The following PMPCA variants were observed in gnomAD, a reference collection of about 807,000 sequenced individuals.
The protein encoded by PMPCA is mitochondrial-processing peptidase subunit alpha.
In PMPCA, 47 loss-of-function variants were observed where a neutral mutation model predicts 59.3. That is an observed-to-expected ratio of 0.79 (90% CI 0.63 to 1.01). The LOEUF (loss-of-function observed/expected upper bound fraction) is 1.01. PMPCA is among the 50% of genes least tolerant of loss of function. The pLI is 0.00. For missense variants in PMPCA, 726 were observed against 704.5 expected, an observed-to-expected ratio of 1.03 and a Z score of -0.34; for synonymous variants, 338 against 290.3, an observed-to-expected ratio of 1.16 and a Z score of -1.67.
chr9:136,411,945 A>T (rs1835133312), intron 1 of PMPCA, 52 bp from the exon 2 acceptor site: 4 of 1,065,566 alleles, frequency 3.8e-6, no homozygotes, highest in South Asian at 1.3e-5. Context: ...ACAGGTCATC[A>T]CAGGTTTGTT....
intron 12 of PMPCA, chr9:136,422,888 C>T: frequency 2.2e-6 from 3 of 1,385,728 alleles, no homozygotes; most frequent in East Asian, 5.1e-5. Flanking sequence ...ATTGCCATGT[C>T]CCCATTTACT....
At chr9:136,418,735 C>A in intron 9 of PMPCA, 62 bp downstream of exon 9, 2 of 1,493,948 alleles carry the variant, frequency 1.3e-6, no homozygotes, top group Non-Finnish European at 1.9e-6. Flanking sequence ...GTTTTTGGAC[C>A]ATGAGGCCAC....
At position 136,421,847 on chromosome 9, in the gene PMPCA, G is replaced by A; in HGVS notation, c.1279G>A (p.Ala427Thr). Residue 427 changes from alanine to threonine, a missense_variant, in exon 12 of 13, where the codon GCC (alanine) becomes ACC (threonine). By Grantham distance (58) the Ala-to-Thr change is moderately conservative (BLOSUM62 0). Transcript: ENST00000371717. ...CTGGCCCCAGGTGGAGCTGGAACGA[G>A]CCAAGACGCAGCTGACATCAATGCT... ...GTVDTVELER[A>T]KTQLTSMLMM... The A allele has an allele frequency of 6.3e-7, 1 of 1,595,576 alleles. No homozygotes were observed. The highest frequency in any genetic ancestry group is 1.3e-5 in the African/African-American group (1 of 74,744).
At chr9:136,422,399 A>G (rs570537209) in intron 12 of PMPCA, 8 of 1,131,814 alleles carry the variant, frequency 7.1e-6, no homozygotes, top group South Asian at 4.1e-5. Context: ...CGGGGCCCCC[A>G]TGAGTGACCT....
chr9:136,417,471 A>ATTT (rs537510833), intron 7 of PMPCA, among the ~76,000 whole-genome samples: 1 of 132,618 alleles, frequency 7.5e-6, no homozygotes, highest in African/African-American at 2.8e-5. Context: ...TGCGTGTTGC[A>ATTT]TTTTTTTTTT....
chr9:136,418,705 CACCAG>C (rs1184906907), intron 9 of PMPCA, 32 bp downstream of exon 9: 8 of 1,540,434 alleles, frequency 5.2e-6, no homozygotes, highest in Admixed American at 1.7e-5. Context: ...ATCCTCAGGC[CACCAG>C]GCCAGGCCAG....
chr9:136,423,495 G>C lies in PMPCA; in HGVS notation c.*231G>C. The C allele has an allele frequency of 1.9e-6, 1 of 529,798 alleles. No homozygotes were observed. The highest frequency in any genetic ancestry group is 3.2e-5 in the East Asian group (1 of 31,732). The allele number at this position is 529,798 out of a possible 1,614,324, so 32.8% of individuals were successfully genotyped here. A position where few individuals can be genotyped will look rare whatever the true frequency, so the allele number is the denominator to read the frequency against. On this transcript the variant is annotated 3_prime_UTR_variant, in exon 13 of 13. Transcript: ENST00000371717. ...CCAGGAAGCAGGTGAAGTGCCCAGC[G>C]CTGGAGTGCAGCGTGCCACGAGGAG...
rs1205502141 is a variant in PMPCA at position 136,423,113 on chromosome 9, A to G, written c.1427A>G (p.Asp476Gly). ...GCACTAGGCAACGTGAAGCCGGAAG[A>G]TGTGAAGAGAGTCGCTTCTAAGATG... ...CTLIRNVKPE[D>G]VKRVASKMLR... Residue 476 changes from aspartate to glycine, a missense_variant, in exon 13 of 13, where the codon GAT becomes GGT. By Grantham distance (94) the Asp-to-Gly change is moderately conservative. Coordinates refer to ENST00000371717, the MANE Select transcript of PMPCA (RefSeq NM_015160.3). 1 of 1,613,132 alleles carries G rather than the reference A, an allele frequency of 6.2e-7. No homozygotes were observed. The highest frequency in any genetic ancestry group is 8.5e-7 in the Non-Finnish European group (1 of 1,179,802).
chr9:136,412,591 T>G (rs1440110297), intron 3 of PMPCA, 22 bp downstream of exon 3: 1 of 1,261,618 alleles, frequency 7.9e-7, no homozygotes, highest in Non-Finnish European at 1.2e-6. Context: ...GTTTTGTAAT[T>G]TTTTAGACTA....
chr9:136,421,194 C>T (rs980507711), intron 11 of PMPCA, among the ~76,000 whole-genome samples: 6 of 152,346 alleles, frequency 3.9e-5, no homozygotes, highest in African/African-American at 9.6e-5. Flanking sequence ...CCGATTTTGC[C>T]GTGTGGCCAC....
Position 136,423,379 on chromosome 9 carries a change from A to G in PMPCA, c.*115A>G. 3.7e-6 allele frequency: 4 copies of G among 1,086,368 alleles called. No individual in the cohort carries two copies. Among genetic ancestry groups the G allele is most frequent in the Non-Finnish European group, 5.2e-6 (4 of 770,084 alleles). 67.3% of individuals were successfully genotyped at this position (1,086,368 alleles called of 1,614,324 possible). ...CTGTCTGGTTGTATAAACGGTGCAA[A>G]CAATGTCGCCACAGCACCCACGCGG... On this transcript the variant is annotated 3_prime_UTR_variant, in exon 13 of 13. Transcript: ENST00000371717.
At chr9:136,415,927 C>A in intron 5 of PMPCA, 1 of 254,638 alleles carries the variant, frequency 3.9e-6, no homozygotes, top group Non-Finnish European at 7.6e-6. Context: ...GCCACCGCAC[C>A]CAGCGTGTGC....
chr9:136,418,484 G>A (rs749929274), intron 8 of PMPCA, 71 bp from the exon 9 acceptor site: 9 of 977,326 alleles, frequency 9.2e-6, no homozygotes, highest in East Asian at 2.4e-5. Flanking sequence ...TCTGCCCTCC[G>A]TCCCTGGCGT....
intron 6 of PMPCA, chr9:136,416,606 C>A: frequency 1.6e-6 from 1 of 627,514 alleles, no homozygotes. Flanking sequence ...CTCTGCCTCC[C>A]AAGTAGCTGG....
In PMPCA at chr9:136,422,149, C is replaced by T. The variant is rs10870165; in HGVS notation, c.1408+173C>T. 0.44 allele frequency: 682,495 copies of T among 1,537,936 alleles called. 154,879 individuals carry two copies. The highest frequency in any genetic ancestry group is 0.53 in the Admixed American group (26,661 of 50,420). ...GCGGCCAAGGGCAGGGTCGTGGGGT[C>T]GCAGACCTGGTCTCACTTCCCGGCC... On this transcript the variant is annotated intron_variant, in intron 12 of 12. Coordinates refer to ENST00000371717, the MANE Select transcript of PMPCA (RefSeq NM_015160.3).
Position 136,412,821 on chromosome 9 carries a change from A to G in PMPCA, c.366A>G (p.Arg122=). Residue 122 remains arginine, a synonymous_variant, in exon 4 of 13, where the codon CGA becomes CGG. Transcript: ENST00000371717. ...LEKLAFSSTA[R]FDSKDEILLT... ...TTTATTTTTACTAGTCTACTGCTCG[A>G]TTTGACAGCAAAGATGAAATTCTGC... 2 of 1,600,942 alleles carry G rather than the reference A, an allele frequency of 1.2e-6. No individual in the cohort carries two copies. Among genetic ancestry groups the G allele is most frequent in the Admixed American group, 3.3e-5 (2 of 59,932 alleles).
In PMPCA at chr9:136,423,397, C is replaced by A; in HGVS notation, c.*133C>A. ...GGTGCAAACAATGTCGCCACAGCAC[C>A]CACGCGGTTTGCATTCTTTTGGAAC... On this transcript the variant is annotated 3_prime_UTR_variant, in exon 13 of 13. Coordinates refer to ENST00000371717, the MANE Select transcript of PMPCA (RefSeq NM_015160.3). The A allele has an allele frequency of 2.2e-6, 2 of 913,464 alleles. No individual in the cohort carries two copies. The highest frequency in any genetic ancestry group is 1.7e-5 in the African/African-American group (1 of 60,034). The allele number at this position is 913,464 out of a possible 1,614,324, so 56.6% of individuals were successfully genotyped here.
chr9:136,423,056 T>A, intron 12 of PMPCA, 39 bp from the exon 13 acceptor site: 1 of 1,576,628 alleles, frequency 6.3e-7, no homozygotes, highest in Non-Finnish European at 8.6e-7. Context: ...GTGGGGGCCG[T>A]GGCGCGCTCG....
intron 4 of PMPCA, 139 bp from the exon 5 acceptor site, chr9:136,414,401 CATGCAAAGCCCAA>C (rs1393891477): frequency 1.6e-6 from 1 of 619,660 alleles, no homozygotes; most frequent in African/African-American, 1.8e-5. Flanking sequence ...GTGCCCCTGG[CATGCAAAGCCCAA>C]GTGTCCCCTG....
Sources: gnomAD v4.1 joint callset for allele counts (sites outside exome capture counted in the v4.1 genomes callset) on GRCh38, gnomAD v4.1.1 for gene constraint, MANE v1.5 for transcripts, NCBI Gene and HGNC (gene_info 2026-07-23, HGNC 2026-07-21) for gene names.